Variants in CSMD1 observed in about 807,000 individuals in gnomAD.
The protein encoded by CSMD1 is CUB and Sushi multiple domains 1, also known as CUB and sushi domain-containing protein 1.
Under a neutral mutation model 417.5 loss-of-function variants are expected in CSMD1, and 213 were observed. That is an observed-to-expected ratio of 0.51 (90% CI 0.46 to 0.57). The LOEUF (loss-of-function observed/expected upper bound fraction) is 0.57, where lower values mean the gene tolerates loss of function less well. Ranked by LOEUF, CSMD1 falls within the 20% of genes least tolerant of loss-of-function variation. The pLI is 0.00. For missense variants in CSMD1, 6,923 were observed against 4,529.7 expected (o/e 1.53, Z -15.17); for synonymous variants, 2,862 against 1,736.8 (o/e 1.65, Z -16.11).
intron 2 of CSMD1, among the ~76,000 whole-genome samples, chr8:4,632,508 A>G (rs1210050689): frequency 6.6e-6 from 1 of 152,120 alleles, no homozygotes; most frequent in Non-Finnish European, 1.5e-5. Context: ...GCAAAACTCC[A>G]TCATGGGGGT....
chr8:3,234,799 T>C (rs372360658), intron 26 of CSMD1, among the ~76,000 whole-genome samples: 1 of 152,194 alleles, frequency 6.6e-6, no homozygotes, highest in Non-Finnish European at 1.5e-5. Context: ...CACAAGGCAA[T>C]TGGCCATCAT....
At chr8:4,750,141 G>A (rs1321693032) in intron 1 of CSMD1, among the ~76,000 whole-genome samples, 1 of 152,116 alleles carries the variant, frequency 6.6e-6, no homozygotes, top group African/African-American at 2.4e-5. Flanking sequence ...GAGTAGCTGG[G>A]ACTACAGGCG....
chr8:3,844,336 A>G (rs1563137867), intron 5 of CSMD1, among the ~76,000 whole-genome samples: 1 of 152,194 alleles, frequency 6.6e-6, no homozygotes, highest in African/African-American at 2.4e-5. Context: ...GTCAATGACA[A>G]TACTTCAGGA....
intron 6 of CSMD1, among the ~76,000 whole-genome samples, chr8:3,712,086 T>C (rs1706730941): frequency 6.6e-6 from 1 of 152,228 alleles, no homozygotes; most frequent in South Asian, 2.1e-4. Flanking sequence ...TGTATTTATT[T>C]ATTATTTTTC....
intron 9 of CSMD1, among the ~76,000 whole-genome samples, chr8:3,583,310 G>A (rs752542835): frequency 6.6e-6 from 1 of 151,834 alleles, no homozygotes; most frequent in Non-Finnish European, 1.5e-5. Flanking sequence ...GCACAGCTTT[G>A]GAACCGGGTT....
At chr8:3,672,777 C>G (rs760376132) in intron 7 of CSMD1, among the ~76,000 whole-genome samples, 1 of 152,300 alleles carries the variant, frequency 6.6e-6, no homozygotes, top group Non-Finnish European at 1.5e-5. Context: ...ATATCAGGCT[C>G]TTCTCCTGGG....
chr8:3,887,828 C>T (rs1249206676), intron 5 of CSMD1, among the ~76,000 whole-genome samples: 1 of 152,186 alleles, frequency 6.6e-6, no homozygotes, highest in African/African-American at 2.4e-5. Flanking sequence ...GTTTGTTCAT[C>T]TGTGCAAGGA....
chr8:4,042,838 A>AAAAAAAAAAAAAAC (rs1797961574), intron 3 of CSMD1, among the ~76,000 whole-genome samples: 1 of 129,536 alleles, frequency 7.7e-6, no homozygotes, highest in Non-Finnish European at 1.7e-5. Context: ...AAAAAAAAAA[A>AAAAAAAAAAAAAAC]AAAAGCAGGC....
chr8:3,471,937 G>C (rs1375139671), intron 11 of CSMD1, among the ~76,000 whole-genome samples: 1 of 152,098 alleles, frequency 6.6e-6, no homozygotes, highest in Non-Finnish European at 1.5e-5. Flanking sequence ...ACGAGTCGAG[G>C]AGAGTGTTTT....
chr8:3,789,536 T>A (rs866224657), intron 5 of CSMD1, among the ~76,000 whole-genome samples: 1 of 151,370 alleles, frequency 6.6e-6, no homozygotes, highest in African/African-American at 2.4e-5. Flanking sequence ...GCTAGTACTT[T>A]AATACTCCAA....
chr8:4,344,555 T>C (rs1800672896), intron 3 of CSMD1, among the ~76,000 whole-genome samples: 1 of 150,628 alleles, frequency 6.6e-6, no homozygotes, highest in African/African-American at 2.4e-5. Flanking sequence ...TATAAGAATA[T>C]AAATATATAC....
chr8:4,789,486 T>C (rs778415853), intron 1 of CSMD1, among the ~76,000 whole-genome samples: 6 of 152,188 alleles, frequency 3.9e-5, no homozygotes, highest in East Asian at 1.9e-4. Context: ...CTGGTTTACA[T>C]TGGATAAATG....
intron 1 of CSMD1, among the ~76,000 whole-genome samples, chr8:4,961,055 G>C (rs1345917419): frequency 3.3e-5 from 5 of 151,978 alleles, no homozygotes; most frequent in Non-Finnish European, 7.4e-5. Flanking sequence ...CTACGAAATA[G>C]TCACTACACT....
At chr8:3,439,310 T>TA (rs1491240170) in intron 12 of CSMD1, among the ~76,000 whole-genome samples, 481 of 19,992 alleles carry the variant, frequency 0.024, 6 homozygotes, top group South Asian at 0.05. Flanking sequence ...TATATATATA[T>TA]TTTTTTTTTT....
intron 2 of CSMD1, among the ~76,000 whole-genome samples, chr8:4,508,586 A>G (rs1214703694): frequency 6.6e-6 from 1 of 152,138 alleles, no homozygotes; most frequent in African/African-American, 2.4e-5. Context: ...AATATGCCAT[A>G]TTTTCTTTTA....
intron 1 of CSMD1, among the ~76,000 whole-genome samples, chr8:4,708,873 A>G (rs1052896672): frequency 2.0e-5 from 3 of 152,220 alleles, no homozygotes; most frequent in Non-Finnish European, 4.4e-5. Flanking sequence ...AAGGGAAATT[A>G]GAATTCAAAA....
intron 1 of CSMD1, among the ~76,000 whole-genome samples, chr8:4,682,312 C>CA (rs1806103572): frequency 6.6e-6 from 1 of 152,102 alleles, no homozygotes; most frequent in South Asian, 2.1e-4. Context: ...AATACAAGCA[C>CA]AAGCCACTGT....
chr8:3,253,573 C>T (rs951158086), intron 26 of CSMD1, among the ~76,000 whole-genome samples: 2 of 152,114 alleles, frequency 1.3e-5, no homozygotes, highest in African/African-American at 4.8e-5. Context: ...AGTTCAATTC[C>T]TGGATATCCT....
intron 53 of CSMD1, 45 bp downstream of exon 53, chr8:2,999,913 G>T: frequency 1.3e-6 from 2 of 1,533,886 alleles, no homozygotes; most frequent in Non-Finnish European, 1.8e-6. Flanking sequence ...AGACAATGTG[G>T]CAAAAGGAAG....
Sources: gnomAD v4.1 joint callset for allele counts (sites outside exome capture counted in the v4.1 genomes callset) on GRCh38, gnomAD v4.1.1 for gene constraint, MANE v1.5 for transcripts, NCBI Gene and HGNC (gene_info 2026-07-23, HGNC 2026-07-21) for gene names.